The following DHX57 variants were observed in gnomAD, a reference collection of about 807,000 sequenced individuals.
DHX57 encodes the protein DExH-box helicase 57, also known as putative ATP-dependent RNA helicase DHX57.
Under a neutral mutation model 156.2 loss-of-function variants are expected in DHX57, and 105 were observed. The ratio of observed to expected loss-of-function variants is 0.67; its 90% CI spans 0.57 to 0.79. DHX57 has a LOEUF of 0.79. Ranked by LOEUF, DHX57 falls within the 30% of genes least tolerant of loss-of-function variation. The probability of loss-of-function intolerance (pLI) is 0.00; values close to 1 mark genes in which losing one functional copy is unlikely to be tolerated. For missense variants in DHX57, 1,847 were observed against 1,661.9 expected, an observed-to-expected ratio of 1.11 and a Z score of -1.94; for synonymous variants, 704 against 595.6, an observed-to-expected ratio of 1.18 and a Z score of -2.65.
intron 21 of DHX57, among the ~76,000 whole-genome samples, chr2:38,812,707 A>G (rs528901366): frequency 3.5e-4 from 51 of 143,952 alleles, no homozygotes; most frequent in African/African-American, 1.3e-3. Context: ...CTAATTTTGT[A>G]TTTTTAGTAG....
chr2:38,811,352 C>A, intron 21 of DHX57: 1 of 529,876 alleles, frequency 1.9e-6, no homozygotes, highest in South Asian at 1.6e-5. Flanking sequence ...TGCCCCCTCC[C>A]ACTGAGCAAT....
At chr2:38,869,819 C>T (rs1441054611) in intron 1 of DHX57, among the ~76,000 whole-genome samples, 3 of 152,084 alleles carry the variant, frequency 2.0e-5, no homozygotes, top group African/African-American at 2.4e-5. Context: ...TAAGTATAAC[C>T]CATACACTGG....
chr2:38,858,026 C>T (rs773235658), intron 6 of DHX57, among the ~76,000 whole-genome samples: 2 of 152,192 alleles, frequency 1.3e-5, no homozygotes, highest in Non-Finnish European at 2.9e-5. Context: ...TGTTACCACG[C>T]CCGCCTGGCT....
chr2:38,843,310 G>T, intron 11 of DHX57, 100 bp from the exon 12 acceptor site: 1 of 1,229,850 alleles, frequency 8.1e-7, no homozygotes, highest in Non-Finnish European at 1.2e-6. Flanking sequence ...AAATGTCACT[G>T]TCTGCCCAAT....
At chr2:38,837,611 C>A (rs868671385) in intron 13 of DHX57, among the ~76,000 whole-genome samples, 11 of 50,356 alleles carry the variant, frequency 2.2e-4, no homozygotes, top group East Asian at 1.1e-3. Context: ...AACCCCGTCT[C>A]AAAAAAAAAA....
At chr2:38,816,569 A>C (rs1670557971) in intron 19 of DHX57, among the ~76,000 whole-genome samples, 1 of 152,172 alleles carries the variant, frequency 6.6e-6, no homozygotes, top group East Asian at 1.9e-4. Context: ...TGTGAGAAAG[A>C]AAGCACAAAC....
At chr2:38,818,263 A>C (rs941594458) in intron 19 of DHX57, among the ~76,000 whole-genome samples, 1 of 152,100 alleles carries the variant, frequency 6.6e-6, no homozygotes, top group Admixed American at 6.6e-5. Flanking sequence ...GTGGTGTCTC[A>C]CACCTGTAAT....
intron 23 of DHX57, among the ~76,000 whole-genome samples, chr2:38,800,543 T>G (rs749866560): frequency 6.6e-6 from 1 of 152,098 alleles, no homozygotes; most frequent in African/African-American, 2.4e-5. Flanking sequence ...CTAACACAGG[T>G]TCACACTGTG....
At chr2:38,866,696 G>A (rs1304831904) in intron 2 of DHX57, among the ~76,000 whole-genome samples, 1 of 152,148 alleles carries the variant, frequency 6.6e-6, no homozygotes, top group African/African-American at 2.4e-5. Flanking sequence ...CCAAATGAAT[G>A]AACATCTACG....
Position 38,853,928 on chromosome 2 carries a change from A to T in DHX57, c.2030+126T>A, listed in dbSNP as rs139973060. 68 of 898,050 alleles carry T rather than the reference A, an allele frequency of 7.6e-5. No homozygotes were observed. In the East Asian group the frequency reaches 1.8e-3, roughly 23 times the overall value. 55.6% of individuals were successfully genotyped at this position (898,050 alleles called of 1,614,324 possible). On this transcript the variant is annotated intron_variant, in intron 9 of 23. Coordinates refer to ENST00000457308, the MANE Select transcript of DHX57 (RefSeq NM_198963.3). ...GAAAGCAGTTGCTCTTCTCTAACAT[A>T]GGCCTTCCTTGTGGCAAATTACCAT...
At chr2:38,848,756 A>G (rs1672422846) in intron 9 of DHX57, among the ~76,000 whole-genome samples, 1 of 152,242 alleles carries the variant, frequency 6.6e-6, no homozygotes, top group South Asian at 2.1e-4. Flanking sequence ...GTAACTGTAT[A>G]TAATATTTTG....
intron 21 of DHX57, among the ~76,000 whole-genome samples, chr2:38,809,045 C>G (rs546683233): frequency 1.3e-5 from 2 of 152,266 alleles, no homozygotes; most frequent in Admixed American, 6.5e-5. Flanking sequence ...ATCCTCCTAT[C>G]TTAGCCTCCC....
intron 21 of DHX57, among the ~76,000 whole-genome samples, chr2:38,812,078 A>T (rs1176509870): frequency 6.6e-6 from 1 of 152,046 alleles, no homozygotes; most frequent in Non-Finnish European, 1.5e-5. Context: ...TTTTTTAAAT[A>T]ATCTTTTTAT....
At chr2:38,814,715 A>G (rs1670436155) in intron 20 of DHX57, among the ~76,000 whole-genome samples, 1 of 135,102 alleles carries the variant, frequency 7.4e-6, no homozygotes, top group Non-Finnish European at 1.6e-5. Flanking sequence ...AGCAACAATG[A>G]GCAGAAAACC....
In DHX57 at chr2:38,826,516, C is replaced by A. The variant is rs1411610888; in HGVS notation, c.2813G>T (p.Arg938Ile). The A allele has an allele frequency of 6.2e-7, 1 of 1,613,568 alleles. No individual in the cohort carries two copies. The highest frequency in any genetic ancestry group is 8.5e-7 in the Non-Finnish European group (1 of 1,179,622). Residue 938 changes from arginine (R) to isoleucine (I), a missense_variant and splice_region_variant, in exon 15 of 24, where the codon AGA becomes ATA. Arg to Ile is a moderately conservative substitution (Grantham distance 97, BLOSUM62 -3). Transcript: ENST00000457308. Reference sequence around the variant, plus strand: ...CTTACATCACCACAAGACGGAATACCTCTTTTCTTTCATTTTCCCAGAATC... The same window carrying A: ...CTTACATCACCACAAGACGGAATACATCTTTTCTTTCATTTTCCCAGAATC... Reference protein sequence around the residue: ...VIDSGKMKEKRYDASKGMESL... With the variant: ...VIDSGKMKEKIYDASKGMESL...
At chr2:38,833,163 G>A (rs1469776375) in intron 13 of DHX57, among the ~76,000 whole-genome samples, 2 of 151,110 alleles carry the variant, frequency 1.3e-5, no homozygotes, top group Non-Finnish European at 2.9e-5. Context: ...TTTTTTTGAG[G>A]TGGAGTCTTG....
At chr2:38,848,161 G>T in intron 10 of DHX57, 108 bp downstream of exon 10, 1 of 1,148,790 alleles carries the variant, frequency 8.7e-7, no homozygotes, top group Non-Finnish European at 1.2e-6. Context: ...TGTTATAAAT[G>T]AATCGCTTCT....
chr2:38,843,325 A>G lies in DHX57; in HGVS notation c.2220-115T>C, dbSNP rs7586443. ...AAATGTCACTGTCTGCCCAATTCACATGCCATCCTTCCACCAGTCCAGGAT... is the reference window on the plus strand; with the variant it reads ...AAATGTCACTGTCTGCCCAATTCACGTGCCATCCTTCCACCAGTCCAGGAT... On this transcript the variant is annotated intron_variant, in intron 11 of 23. Transcript: ENST00000457308. 1.2e-5 allele frequency: 12 copies of G among 1,030,204 alleles called. No homozygotes were observed. In the African/African-American group the frequency reaches 1.7e-4, roughly 15 times the overall value. The allele number at this position is 1,030,204 out of a possible 1,614,324, so 63.8% of individuals were successfully genotyped here.
At chr2:38,863,317 A>T in intron 3 of DHX57, 44 bp downstream of exon 3, 1 of 1,577,942 alleles carries the variant, frequency 6.3e-7, no homozygotes, top group Admixed American at 1.8e-5. Flanking sequence ...CACTGCCAGT[A>T]TGTTTTCCTT....
Sources: allele counts gnomAD v4.1 joint callset (sites outside exome capture counted in the v4.1 genomes callset), GRCh38; gene constraint gnomAD v4.1.1; transcripts MANE v1.5; gene names NCBI Gene and HGNC (gene_info 2026-07-23, HGNC 2026-07-21).